Variants in XIRP2 observed in about 807,000 individuals in gnomAD.
The protein encoded by XIRP2 is xin actin binding repeat containing 2, also known as xin actin-binding repeat-containing protein 2.
Under a neutral mutation model 277.0 loss-of-function variants are expected in XIRP2, and 236 were observed. The observed-to-expected ratio is 0.85, with a 90% CI of 0.77 to 0.95. XIRP2 has a LOEUF of 0.95. Ranked by LOEUF, XIRP2 falls within the 40% of genes least tolerant of loss-of-function variation. The pLI is 0.00. For synonymous variants in XIRP2, 1,490 were observed against 1,416.5 expected, an observed-to-expected ratio of 1.05 and a Z score of -1.17; for missense variants, 4,640 against 4,157.5, an observed-to-expected ratio of 1.12 and a Z score of -3.19.
chr2:167,000,288 A>G (rs1687329165), intron 2 of XIRP2, among the ~76,000 whole-genome samples: 1 of 152,152 alleles, frequency 6.6e-6, no homozygotes, highest in Non-Finnish European at 1.5e-5. Flanking sequence ...AAAGGCCCAC[A>G]CATAGTGATT....
At chr2:167,226,010 A>G (rs1694588460) in intron 5 of XIRP2, among the ~76,000 whole-genome samples, 1 of 152,176 alleles carries the variant, frequency 6.6e-6, no homozygotes, top group African/African-American at 2.4e-5. Context: ...CCAGATCTGC[A>G]CGAGCTGGTT....
chr2:167,233,626 A>G (rs1021444553), intron 5 of XIRP2, among the ~76,000 whole-genome samples: 7 of 151,816 alleles, frequency 4.6e-5, no homozygotes, highest in African/African-American at 1.7e-4. Flanking sequence ...ATCAAGAGGT[A>G]GAGTTCTGTT....
intron 2 of XIRP2, among the ~76,000 whole-genome samples, chr2:167,007,791 G>C (rs1687547568): frequency 6.8e-6 from 1 of 148,132 alleles, no homozygotes; most frequent in Non-Finnish European, 1.5e-5. Context: ...GAATCTAATA[G>C]AAGATATAAC....
chr2:166,989,035 G>T lies in XIRP2; in HGVS notation c.408+85145G>T, dbSNP rs1202197724. 6.1e-4 allele frequency among the ~76,000 whole-genome samples: 48 copies of T among 79,258 alleles called. No individual in the cohort carries two copies. The South Asian group carries it at 0.012, about 19-fold the overall frequency. The allele number at this position is 79,258 out of a possible 152,430, so 52.0% of individuals were successfully genotyped here. A position where few individuals can be genotyped will look rare whatever the true frequency, so the allele number is the denominator to read the frequency against. On this transcript the variant is annotated intron_variant, in intron 2 of 10. Coordinates refer to ENST00000409195, the MANE Select transcript of XIRP2 (RefSeq NM_152381.6). ...CAGGGCACAGACAAACAAAAAGACA[G>T]CAGTAACCTCTGCAGACTTAAGTGT...
chr2:167,146,119 T>C (rs1452094335), intron 3 of XIRP2, among the ~76,000 whole-genome samples: 2 of 151,996 alleles, frequency 1.3e-5, no homozygotes, highest in Non-Finnish European at 2.9e-5. Flanking sequence ...ATTAAGTTTT[T>C]TTTTTTTAAC....
intron 2 of XIRP2, among the ~76,000 whole-genome samples, chr2:167,028,553 C>T (rs1357563616): frequency 6.6e-6 from 1 of 151,954 alleles, no homozygotes; most frequent in Non-Finnish European, 1.5e-5. Flanking sequence ...TAGATCAAAA[C>T]ACTCAATTCC....
intron 3 of XIRP2, among the ~76,000 whole-genome samples, chr2:167,189,705 G>T (rs10451542): frequency 0.28 from 42,911 of 151,874 alleles, 7,553 homozygotes; most frequent in African/African-American, 0.51. Context: ...TTGTATTATC[G>T]GTTTTCTGAC....
intron 2 of XIRP2, among the ~76,000 whole-genome samples, chr2:167,131,195 C>T (rs763857906): frequency 8.5e-5 from 13 of 152,234 alleles, no homozygotes; most frequent in East Asian, 1.9e-4. Flanking sequence ...AGAACAGGAA[C>T]GCTTTCTGTT....
At chr2:166,954,782 G>A (rs1415170042) in intron 2 of XIRP2, among the ~76,000 whole-genome samples, 1 of 151,848 alleles carries the variant, frequency 6.6e-6, no homozygotes, top group African/African-American at 2.4e-5. Flanking sequence ...CATGAAGCTG[G>A]AAGCCATTAT....
chr2:167,214,083 GAAGAAAGA>G (rs1271698974), intron 4 of XIRP2, among the ~76,000 whole-genome samples: 3 of 90,170 alleles, frequency 3.3e-5, no homozygotes, highest in South Asian at 3.9e-4. Flanking sequence ...AGGAAGGAAG[GAAGAAAGA>G]AAGAAGGAAG....
Position 167,012,167 on chromosome 2 carries a change from G to A in XIRP2, c.408+108277G>A, listed in dbSNP as rs201230733. Among the ~76,000 whole-genome samples, 143 of 151,646 alleles carry A rather than the reference G, an allele frequency of 9.4e-4. 4 individuals carry two copies. In the East Asian group the frequency reaches 0.023, roughly 25 times the overall value. On this transcript the variant is annotated intron_variant, in intron 2 of 10. Coordinates refer to ENST00000409195, the MANE Select transcript of XIRP2 (RefSeq NM_152381.6). ...ATTGTGATGTTAGGGTGTCAATTTTGGATCTTTCCTGCTTTCTCTTGTGGG... is the reference window on the plus strand; with the variant it reads ...ATTGTGATGTTAGGGTGTCAATTTTAGATCTTTCCTGCTTTCTCTTGTGGG...
intron 2 of XIRP2, among the ~76,000 whole-genome samples, chr2:166,965,027 G>T (rs1686393526): frequency 6.6e-6 from 1 of 151,822 alleles, no homozygotes; most frequent in South Asian, 2.1e-4. Flanking sequence ...ATCATCAGTT[G>T]CCCACCACAG....
At chr2:167,044,166 GC>G (rs1170891503) in intron 2 of XIRP2, among the ~76,000 whole-genome samples, 2 of 151,838 alleles carry the variant, frequency 1.3e-5, no homozygotes, top group Admixed American at 1.3e-4. Flanking sequence ...AGAATTAAAA[GC>G]AAAACCACAT....
intron 1 of XIRP2, among the ~76,000 whole-genome samples, chr2:166,896,784 A>G (rs555659399): frequency 6.6e-6 from 1 of 152,250 alleles, no homozygotes; most frequent in South Asian, 2.1e-4. Context: ...TCACTGACTA[A>G]CCCAGAGCAA....
intron 2 of XIRP2, among the ~76,000 whole-genome samples, chr2:167,036,419 A>C (rs1056491502): frequency 6.6e-6 from 1 of 152,126 alleles, no homozygotes; most frequent in African/African-American, 2.4e-5. Context: ...TGGAGCTTTA[A>C]AATTTGACTG....
At chr2:167,040,916 T>A (rs901166641) in intron 2 of XIRP2, among the ~76,000 whole-genome samples, 2 of 152,170 alleles carry the variant, frequency 1.3e-5, no homozygotes, top group Non-Finnish European at 2.9e-5. Context: ...ATGCACAGAC[T>A]CCATTGCCAC....
intron 2 of XIRP2, among the ~76,000 whole-genome samples, chr2:167,013,341 A>G (rs1687733675): frequency 6.6e-6 from 1 of 151,388 alleles, no homozygotes; most frequent in Non-Finnish European, 1.5e-5. Context: ...ATAGGAAAAA[A>G]ACAATTCTAG....
chr2:167,100,899 A>G (rs1175513820), intron 2 of XIRP2, among the ~76,000 whole-genome samples: 1 of 152,140 alleles, frequency 6.6e-6, no homozygotes, highest in Non-Finnish European at 1.5e-5. Context: ...GCAGAAGTTT[A>G]TTTTCTAGAG....
At chr2:166,934,849 A>AT (rs1558921286) in intron 2 of XIRP2, among the ~76,000 whole-genome samples, 2 of 131,820 alleles carry the variant, frequency 1.5e-5, no homozygotes, top group East Asian at 2.9e-4. Context: ...TCTACTAAAA[A>AT]TAAAAAAAAA....
Sources: gnomAD v4.1 joint callset for allele counts (sites outside exome capture counted in the v4.1 genomes callset) on GRCh38, gnomAD v4.1.1 for gene constraint, MANE v1.5 for transcripts, NCBI Gene and HGNC (gene_info 2026-07-23, HGNC 2026-07-21) for gene names.